KLRG1: variants seen among roughly 807,000 people sequenced by gnomAD.
KLRG1 encodes killer cell lectin-like receptor subfamily G member 1.
In KLRG1, 16 loss-of-function variants were observed where a neutral mutation model predicts 21.8. That is an observed-to-expected ratio of 0.73 (90% CI 0.50 to 1.11). KLRG1 has a LOEUF of 1.11. Ranked by LOEUF, KLRG1 falls within the 50% of genes most tolerant of loss-of-function variation. KLRG1 has a pLI of 0.00. For synonymous variants in KLRG1, 69 were observed against 75.9 expected (o/e 0.91, Z 0.47); for missense variants, 173 against 218.3 (o/e 0.79, Z 1.31).
chr12:9,183,867 G>A, the KLRG1 span, among the ~76,000 whole-genome samples: 1 of 152,086 alleles, frequency 6.6e-6, no homozygotes, highest in Non-Finnish European at 1.5e-5. Context: ...TTAAGTTTGG[G>A]AAGAAAGGAA....
At chr12:8,984,873 A>G (rs774719589), upstream of KLRG1, among the ~76,000 whole-genome samples, 4 of 152,284 alleles carry the variant, frequency 2.6e-5, no homozygotes, top group African/African-American at 9.6e-5. Flanking sequence ...AATCTGTGTT[A>G]TGTATCCTCT....
the KLRG1 span, among the ~76,000 whole-genome samples, chr12:9,215,204 G>C: frequency 5.3e-5 from 8 of 151,958 alleles, no homozygotes; most frequent in South Asian, 2.1e-4. Flanking sequence ...TAGACACTGT[G>C]AACTTTGATA....
At chr12:9,062,535 ATGTT>A in the KLRG1 span, among the ~76,000 whole-genome samples, 1 of 147,484 alleles carries the variant, frequency 6.8e-6, no homozygotes, top group Non-Finnish European at 1.5e-5. Flanking sequence ...TATATCTGAT[ATGTT>A]TATATCAGAT....
chr12:9,073,326 C>CA, the KLRG1 span, among the ~76,000 whole-genome samples: 39,802 of 152,072 alleles, frequency 0.26, 6,354 homozygotes, highest in Non-Finnish European at 0.34. Flanking sequence ...TCTTTGCAGC[C>CA]ATGAGCAGAG....
At chr12:9,154,164 A>G in the KLRG1 span, among the ~76,000 whole-genome samples, 3 of 152,228 alleles carry the variant, frequency 2.0e-5, no homozygotes, top group African/African-American at 7.2e-5. Flanking sequence ...GATGTCTGGA[A>G]CATTGGTTCC....
the KLRG1 span, among the ~76,000 whole-genome samples, chr12:9,055,164 C>T: frequency 6.6e-6 from 1 of 152,116 alleles, no homozygotes; most frequent in South Asian, 2.1e-4. Flanking sequence ...ATGAAATTGT[C>T]GTAATATTAT....
the KLRG1 span, among the ~76,000 whole-genome samples, chr12:9,027,258 CAA>C: frequency 1.7e-3 from 234 of 134,542 alleles, 2 homozygotes; most frequent in African/African-American, 5.4e-3. Context: ...AGCATGGGTG[CAA>C]AAAAAAAAAA....
chr12:9,165,780 C>T, the KLRG1 span, among the ~76,000 whole-genome samples: 5 of 152,132 alleles, frequency 3.3e-5, no homozygotes, highest in Non-Finnish European at 5.9e-5. Context: ...GCTCCCTGAA[C>T]GACATTAAGC....
intron 3 of KLRG1, among the ~76,000 whole-genome samples, chr12:9,005,617 A>T (rs1324727006): frequency 6.6e-6 from 1 of 152,210 alleles, no homozygotes; most frequent in East Asian, 1.9e-4. Context: ...ATGTTAAAGG[A>T]TACAAAATTA....
chr12:8,960,133 G>A (rs754465366), intron 1 of KLRG1, among the ~76,000 whole-genome samples: 1 of 152,260 alleles, frequency 6.6e-6, no homozygotes, highest in East Asian at 1.9e-4. Context: ...GAGAGGAGGG[G>A]AATAAGTTAG....
intron 3 of KLRG1, 50 bp downstream of exon 3, chr12:8,995,338 T>A: frequency 3.9e-6 from 6 of 1,536,348 alleles, no homozygotes; most frequent in Non-Finnish European, 5.3e-6. Flanking sequence ...GTTTTTGTTT[T>A]TGTTTTTAAA....
chr12:9,077,214 C>T, the KLRG1 span: 2 of 913,178 alleles, frequency 2.2e-6, no homozygotes, highest in Non-Finnish European at 1.6e-6. Flanking sequence ...CTCTGTAGAT[C>T]TGGGAAGCAC....
At chr12:9,030,049 C>T in the KLRG1 span, among the ~76,000 whole-genome samples, 5 of 152,160 alleles carry the variant, frequency 3.3e-5, no homozygotes, top group Middle Eastern at 3.2e-3. Flanking sequence ...CCACTGTGCC[C>T]GGCCCTCTCT....
chr12:8,958,098 A>G (rs1292932109), intron 1 of KLRG1, among the ~76,000 whole-genome samples: 1 of 152,094 alleles, frequency 6.6e-6, no homozygotes, highest in Non-Finnish European at 1.5e-5. Context: ...GGCTCTTGCT[A>G]TAGTACCCAG....
chr12:9,076,094 T>C, the KLRG1 span, among the ~76,000 whole-genome samples: 2 of 152,188 alleles, frequency 1.3e-5, no homozygotes, highest in Non-Finnish European at 2.9e-5. Context: ...TTGGTCAACA[T>C]TATTGGTCTT....
the KLRG1 span, among the ~76,000 whole-genome samples, chr12:9,102,181 A>G: frequency 6.6e-6 from 1 of 152,290 alleles, no homozygotes; most frequent in African/African-American, 2.4e-5. Context: ...AATTAGCTGA[A>G]GTCTACCTCT....
At chr12:9,003,746 A>T (rs1317702743) in intron 3 of KLRG1, among the ~76,000 whole-genome samples, 1 of 151,392 alleles carries the variant, frequency 6.6e-6, no homozygotes, top group Admixed American at 6.6e-5. Flanking sequence ...GTACATGTTC[A>T]CAATGTGCAG....
the KLRG1 span, chr12:9,093,514 C>T: frequency 2.9e-5 from 47 of 1,613,704 alleles, no homozygotes; most frequent in African/African-American, 2.5e-4. Flanking sequence ...TACTTTCGTA[C>T]GGTCTCCGTG....
the KLRG1 span, among the ~76,000 whole-genome samples, chr12:9,208,824 T>C: frequency 4.6e-5 from 7 of 152,200 alleles, no homozygotes; most frequent in East Asian, 1.9e-4. Flanking sequence ...ATTGAGTACA[T>C]GGTCCTGGAA....
Sources: allele counts gnomAD v4.1 joint callset (sites outside exome capture counted in the v4.1 genomes callset), GRCh38; gene constraint gnomAD v4.1.1; transcripts MANE v1.5; gene names NCBI Gene and HGNC (gene_info 2026-07-23, HGNC 2026-07-21).